The following RPS17 variants were observed in gnomAD, a reference collection of about 807,000 sequenced individuals.
The protein encoded by RPS17 is small ribosomal subunit protein eS17.
For synonymous variants in RPS17, 75 were observed against 65.6 expected (o/e 1.14, Z -0.70); for missense variants, 68 against 182.3 (o/e 0.37, Z 3.61).
chr15:82,536,768 T>A lies in RPS17; in HGVS notation c.*33A>T. 6.2e-7 allele frequency: 1 copy of A among 1,613,004 alleles called. No homozygotes were observed. The highest frequency in any genetic ancestry group is 1.1e-5 in the South Asian group (1 of 91,068). On this transcript the variant is annotated 3_prime_UTR_variant, in exon 5 of 5. Transcript: ENST00000647841. ...CACAGGCAAGGCTGTTGTCCCAGAT[T>A]TATTGAAAATAATACAGCACTACAG...
chr15:82,539,853 C>G, intron 2 of RPS17, 128 bp downstream of exon 2: 1 of 1,476,150 alleles, frequency 6.8e-7, no homozygotes, highest in Non-Finnish European at 9.5e-7. Context: ...AGCTCTAGCC[C>G]TTCTCCGGGA....
chr15:82,539,815 G>A (rs940050942), intron 2 of RPS17, 166 bp downstream of exon 2: 1 of 1,275,610 alleles, frequency 7.8e-7, no homozygotes, highest in Non-Finnish European at 1.1e-6. Flanking sequence ...ACAGGCCTAA[G>A]TTCACAACAG....
intron 4 of RPS17, chr15:82,537,775 GA>G: frequency 2.3e-6 from 1 of 437,386 alleles, no homozygotes; most frequent in Non-Finnish European, 4.5e-6. Context: ...ATAAAAATAG[GA>G]AAAATGAAGT....
At chr15:82,539,949 G>A (rs2034315833) in intron 2 of RPS17, 32 bp downstream of exon 2, 3 of 1,612,006 alleles carry the variant, frequency 1.9e-6, no homozygotes, top group Non-Finnish European at 2.5e-6. Context: ...ACAGATCGCG[G>A]AGCCCCGGAG....
rs1334064671 is a variant in RPS17, at chr15:82,539,745, C to A, written c.155+236G>T. On this transcript the variant is annotated intron_variant, in intron 2 of 4. Transcript: ENST00000647841. ...TTGACAACTAAAAGCAACGTAGCTT[C>A]AAAGCAAGAGGTCTGACGGTGGCTA... 5 of 677,330 alleles carry A rather than the reference C, an allele frequency of 7.4e-6. No homozygotes were observed. The Admixed American group carries it at 1.4e-4, about 19-fold the overall frequency. 42.0% of individuals were successfully genotyped at this position (677,330 alleles called of 1,614,324 possible). A position where few individuals can be genotyped will look rare whatever the true frequency, so the allele number is the denominator to read the frequency against.
rs1445256904 is a variant in RPS17 at position 82,540,140 on chromosome 15, T to A, written c.4-8A>T. Reference sequence around the variant, plus strand: ...TTTGGTGCGAACGCGGCCCTGCGGGTGGAGAGGACAGGATCACTCACGAGC... The same window carrying A: ...TTTGGTGCGAACGCGGCCCTGCGGGAGGAGAGGACAGGATCACTCACGAGC... On this transcript the variant is annotated splice_region_variant and splice_polypyrimidine_tract_variant and intron_variant, in intron 1 of 4. Coordinates refer to ENST00000647841, the MANE Select transcript of RPS17 (RefSeq NM_001021.6). 2 of 1,613,364 alleles carry A rather than the reference T, an allele frequency of 1.2e-6. No individual in the cohort carries two copies. The highest frequency in any genetic ancestry group is 4.5e-5 in the East Asian group (2 of 44,854).
rs1213904802 is a variant in RPS17 at position 82,540,252 on chromosome 15, G to C, written c.4-120C>G. The C allele has an allele frequency of 1.1e-5, 17 of 1,606,376 alleles. No individual in the cohort carries two copies. The South Asian group carries it at 1.8e-4, about 17-fold the overall frequency. On this transcript the variant is annotated intron_variant, in intron 1 of 4. Coordinates refer to ENST00000647841, the MANE Select transcript of RPS17 (RefSeq NM_001021.6). ...GGCTGCGCTGAGCCGGAGAGGGCCC[G>C]GCTAAACAGTGCCGGGCGCCGGGCT...
intron 4 of RPS17, 143 bp downstream of exon 4, chr15:82,538,163 T>G (rs1325311481): frequency 1.2e-5 from 10 of 855,218 alleles, no homozygotes; most frequent in Non-Finnish European, 1.2e-5. Flanking sequence ...ACACCCCTTA[T>G]GAAAGCAGTC....
chr15:82,539,688 CAAAAAAAAAAGAA>C (rs1307852526), intron 2 of RPS17: 56 of 430,712 alleles, frequency 1.3e-4, no homozygotes, highest in African/African-American at 1.2e-3. Context: ...GATTCCGTCT[CAAAAAAAAAAGAA>C]AAAAAAGAAA....
At chr15:82,539,776 G>GACCC (rs2034311672) in intron 2 of RPS17, 2 of 871,118 alleles carry the variant, frequency 2.3e-6, no homozygotes, top group Non-Finnish European at 3.8e-6. Flanking sequence ...GGCTACCTTC[G>GACCC]ACCCAGGGTC....
At chr15:82,539,493 G>C (rs914444737) in intron 2 of RPS17, 3 of 458,130 alleles carry the variant, frequency 6.5e-6, no homozygotes, top group African/African-American at 6.0e-5. Context: ...TTCGAGACCA[G>C]CCTGGTCAAC....
At chr15:82,537,186 A>C (rs1433160948) in intron 4 of RPS17, 6 of 480,374 alleles carry the variant, frequency 1.2e-5, no homozygotes, top group Non-Finnish European at 1.9e-5. Context: ...CCGTTTCTCA[A>C]TCTTGGCAAC....
chr15:82,540,326 C>T (rs1267482273), intron 1 of RPS17, 100 bp downstream of exon 1: 58 of 1,579,410 alleles, frequency 3.7e-5, no homozygotes, highest in Non-Finnish European at 4.6e-5. Context: ...CAGGGCTCTG[C>T]GCCTTCCCGG....
At chr15:82,539,579 C>T (rs1057201800) in intron 2 of RPS17, 13 of 420,042 alleles carry the variant, frequency 3.1e-5, no homozygotes, top group Admixed American at 1.1e-4. Flanking sequence ...ATCCCAGCTA[C>T]TGGGAAGGCT....
chr15:82,539,483 T>A, intron 2 of RPS17: 1 of 458,428 alleles, frequency 2.2e-6, no homozygotes. Flanking sequence ...AGGTCAGGTG[T>A]TCGAGACCAG....
chr15:82,537,911 C>T (rs1018963658), intron 4 of RPS17: 2 of 457,954 alleles, frequency 4.4e-6, no homozygotes, highest in Non-Finnish European at 8.8e-6. Flanking sequence ...TAAGTAGTGC[C>T]TTGTATGTAC....
At chr15:82,539,043 T>A in intron 2 of RPS17, 58 bp from the exon 3 acceptor site, 1 of 1,528,208 alleles carries the variant, frequency 6.5e-7, no homozygotes, top group Admixed American at 1.7e-5. Context: ...TCCCACCTGG[T>A]ACTGAGCACA....
intron 3 of RPS17, chr15:82,538,574 TA>T (rs1322950855): frequency 1.4e-6 from 1 of 698,190 alleles, no homozygotes; most frequent in East Asian, 2.7e-5. Context: ...CCTCATTCAG[TA>T]TTCAGAACAC....
At chr15:82,540,316 C>G in intron 1 of RPS17, 110 bp downstream of exon 1, 2 of 1,581,418 alleles carry the variant, frequency 1.3e-6, no homozygotes, top group South Asian at 2.3e-5. Context: ...TCCAGCCTGA[C>G]AGGGCTCTGC....
Sources: allele counts gnomAD v4.1 joint callset, GRCh38; gene constraint gnomAD v4.1.1; transcripts MANE v1.5; gene names NCBI Gene and HGNC (gene_info 2026-07-23, HGNC 2026-07-21).